The following CELF2 variants were observed in gnomAD, a reference collection of about 807,000 sequenced individuals.
CELF2 encodes the protein CUG triplet repeat RNA-binding protein 2.
A neutral mutation model predicts 62.6 loss-of-function variants in CELF2; 8 were observed. The ratio of observed to expected loss-of-function variants is 0.13; its 90% CI spans 0.07 to 0.23. CELF2 has a LOEUF of 0.23. CELF2 is among the 10% of genes least tolerant of loss of function. The pLI is 1.00. For missense variants in CELF2, 333 were observed against 671.0 expected, an observed-to-expected ratio of 0.50 and a Z score of 5.56; for synonymous variants, 258 against 250.0, an observed-to-expected ratio of 1.03 and a Z score of -0.30.
the CELF2 span, among the ~76,000 whole-genome samples, chr10:10,733,685 C>G: frequency 2.0e-5 from 3 of 152,084 alleles, no homozygotes; most frequent in African/African-American, 7.2e-5. Flanking sequence ...AGAATGAGAA[C>G]CAAGTGAAAG....
At chr10:10,669,733 C>T in the CELF2 span, among the ~76,000 whole-genome samples, 1 of 152,140 alleles carries the variant, frequency 6.6e-6, no homozygotes, top group Non-Finnish European at 1.5e-5. Context: ...TGCTAACGCT[C>T]CCTCTTCATG....
rs562242120 is a variant in CELF2, at chr10:11,332,372, T to C, written c.*3319T>C. 1 of 152,480 alleles carries C rather than the reference T, an allele frequency of 6.6e-6. No individual in the cohort carries two copies. Among genetic ancestry groups the C allele is most frequent in the African/African-American group, 2.4e-5 (1 of 41,576 alleles). 9.4% of individuals were successfully genotyped at this position (152,480 alleles called of 1,614,324 possible). A position where few individuals can be genotyped will look rare whatever the true frequency, so the allele number is the denominator to read the frequency against. ...CTGGGGCATCTCTGATCCCAGTAGG[T>C]ACCTCTGAATATACCAGGTGTCTGG... On this transcript the variant is annotated 3_prime_UTR_variant, in exon 13 of 13. Coordinates refer to ENST00000633077, the MANE Select transcript of CELF2 (RefSeq NM_001326342.2).
In CELF2 at chr10:10,834,271, G is replaced by A. The variant is rs553253236; in HGVS notation, c.53+35454G>A. 2.0e-5 allele frequency among the ~76,000 whole-genome samples: 3 copies of A among 152,298 alleles called. No homozygotes were observed. The East Asian group carries it at 5.8e-4, about 29-fold the overall frequency. On this transcript the variant is annotated intron_variant, in intron 1 of 13. Transcript: ENST00000636488. Reference sequence around the variant, plus strand: ...GGGAGCTAAATGATGAGAACAGACGGACACATAGAGGGGAACAGCACACAC... The same window carrying A: ...GGGAGCTAAATGATGAGAACAGACGAACACATAGAGGGGAACAGCACACAC...
the CELF2 span, among the ~76,000 whole-genome samples, chr10:10,541,598 T>G: frequency 6.6e-6 from 1 of 152,180 alleles, no homozygotes; most frequent in Non-Finnish European, 1.5e-5. Context: ...TTAGACCATA[T>G]AGGATAACTT....
chr10:10,765,664 C>T, the CELF2 span, among the ~76,000 whole-genome samples: 6 of 152,192 alleles, frequency 3.9e-5, no homozygotes, highest in Admixed American at 1.3e-4. Flanking sequence ...CAACCGACTG[C>T]AGCTGGTCTT....
At chr10:10,512,579 CTT>C in the CELF2 span, among the ~76,000 whole-genome samples, 12,199 of 151,750 alleles carry the variant, frequency 0.08, 547 homozygotes, top group South Asian at 0.16. Context: ...GCCCGGCTAA[CTT>C]TTTTTGTATT....
the CELF2 span, among the ~76,000 whole-genome samples, chr10:10,676,348 C>G: frequency 1.3e-5 from 2 of 152,154 alleles, no homozygotes; most frequent in Non-Finnish European, 2.9e-5. Flanking sequence ...TTTCCCTTCT[C>G]CTGGGTCAGT....
the CELF2 span, among the ~76,000 whole-genome samples, chr10:10,758,346 C>T: frequency 3.9e-5 from 6 of 152,174 alleles, no homozygotes; most frequent in Non-Finnish European, 8.8e-5. Context: ...TTGCCTGTCA[C>T]CTTTACACCC....
At chr10:10,500,888 A>T in the CELF2 span, among the ~76,000 whole-genome samples, 1 of 151,996 alleles carries the variant, frequency 6.6e-6, no homozygotes, top group Middle Eastern at 3.2e-3. Flanking sequence ...AAATGCAATC[A>T]CATGATGTGT....
the CELF2 span, among the ~76,000 whole-genome samples, chr10:10,657,012 C>G: frequency 2.5e-4 from 37 of 150,448 alleles, no homozygotes; most frequent in African/African-American, 8.8e-4. Flanking sequence ...AAGTGGAAAC[C>G]ATTCAAATAT....
At position 10,983,523 on chromosome 10, in the gene CELF2, T is replaced by C. The variant is rs1462467900; in HGVS notation, c.89+63524T>C. On this transcript the variant is annotated intron_variant, in intron 2 of 13. Transcript: ENST00000636488. This position sits in a 1 kb window ranked among gnomAD's most constrained non-coding sequence, Gnocchi z 5.2. ...CTGAGTCCCTACAAAGGCCTTATGC[T>C]ATGATGGGTGCTACCGAAGATACAT... is the stretch of plus-strand genomic sequence containing the variant. 1.3e-5 allele frequency among the ~76,000 whole-genome samples: 2 copies of C among 152,232 alleles called. No homozygotes were observed. Among genetic ancestry groups the C allele is most frequent in the African/African-American group, 4.8e-5 (2 of 41,466 alleles).
the CELF2 span, among the ~76,000 whole-genome samples, chr10:10,522,033 C>T: frequency 6.6e-6 from 1 of 152,200 alleles, no homozygotes; most frequent in Non-Finnish European, 1.5e-5. Flanking sequence ...GACGTGGCAT[C>T]TCCTGGTGAA....
chr10:10,813,327 C>T (rs531570550), intron 1 of CELF2, among the ~76,000 whole-genome samples: 175 of 152,296 alleles, frequency 1.1e-3, no homozygotes, highest in Middle Eastern at 3.4e-3. Context: ...TTTCTGTTAA[C>T]CATGCTGTAG....
chr10:10,704,095 A>G, the CELF2 span, among the ~76,000 whole-genome samples: 1 of 151,912 alleles, frequency 6.6e-6, no homozygotes, highest in Non-Finnish European at 1.5e-5. Flanking sequence ...ATTATTTGAA[A>G]CCCCTGCAGT....
At chr10:11,303,878 G>A (rs982891851) in intron 9 of CELF2, among the ~76,000 whole-genome samples, 8 of 152,170 alleles carry the variant, frequency 5.3e-5, no homozygotes, top group Admixed American at 6.5e-5. Context: ...GTGACCTTCC[G>A]CACGCGACTT....
intron 1 of CELF2, among the ~76,000 whole-genome samples, chr10:11,021,429 G>A (rs1355420144): frequency 2.0e-5 from 3 of 152,148 alleles, no homozygotes; most frequent in Non-Finnish European, 4.4e-5. Flanking sequence ...AAACTGAAGG[G>A]TGGTTCTAAG....
At chr10:10,626,345 G>A in the CELF2 span, among the ~76,000 whole-genome samples, 1 of 152,172 alleles carries the variant, frequency 6.6e-6, no homozygotes, top group African/African-American at 2.4e-5. Context: ...GAATGAATTT[G>A]TGTTAGTGCT....
chr10:10,567,889 T>G, the CELF2 span, among the ~76,000 whole-genome samples: 1 of 152,256 alleles, frequency 6.6e-6, no homozygotes, highest in African/African-American at 2.4e-5. Context: ...TTTGGATTCC[T>G]TCATTCATTC....
chr10:10,988,294 T>G (rs2895455), intron 2 of CELF2, among the ~76,000 whole-genome samples: 35,570 of 140,480 alleles, frequency 0.25, 4,409 homozygotes, highest in South Asian at 0.29. Context: ...TATATATATA[T>G]AGAGAGAGAG....
Sources: allele counts gnomAD v4.1 joint callset (sites outside exome capture counted in the v4.1 genomes callset), GRCh38; gene constraint gnomAD v4.1.1; non-coding constraint Gnocchi (gnomAD v3.1); transcripts MANE v1.5; gene names NCBI Gene and HGNC (gene_info 2026-07-23, HGNC 2026-07-21).